The following SH3BP4 variants were observed in gnomAD, a reference collection of about 807,000 sequenced individuals.
SH3BP4 encodes the protein SH3 domain binding protein 4, also known as SH3 domain-binding protein 4.
Under a neutral mutation model 65.5 loss-of-function variants are expected in SH3BP4, and 33 were observed. That is an observed-to-expected ratio of 0.50 (90% CI 0.38 to 0.67). The LOEUF (loss-of-function observed/expected upper bound fraction) is 0.67. Ranked by LOEUF, SH3BP4 falls within the 30% of genes least tolerant of loss-of-function variation. The pLI, the probability that SH3BP4 is intolerant of heterozygous loss-of-function variation, is 0.00. For missense variants in SH3BP4, 1,134 were observed against 1,261.4 expected (o/e 0.90, Z 1.53); for synonymous variants, 552 against 545.5 (o/e 1.01, Z -0.17).
intron 1 of SH3BP4, among the ~76,000 whole-genome samples, chr2:234,971,494 T>C (rs1030911253): frequency 3.9e-5 from 6 of 152,266 alleles, no homozygotes; most frequent in African/African-American, 1.4e-4. Flanking sequence ...TCAGCTCTTT[T>C]GGGTATATTC....
chr2:235,039,390 C>T (rs529932448), intron 3 of SH3BP4, among the ~76,000 whole-genome samples: 4 of 151,738 alleles, frequency 2.6e-5, no homozygotes, highest in South Asian at 2.1e-4. Context: ...TGATAGAATA[C>T]GATGACTGTG....
rs199541481 is a variant in SH3BP4 at position 235,052,591 on chromosome 2, G to A, written c.2508G>A (p.Leu836=). The A allele has an allele frequency of 2.6e-6, 4 of 1,552,948 alleles. No individual in the cohort carries two copies. Among genetic ancestry groups the A allele is most frequent in the Admixed American group, 2.0e-5 (1 of 51,234 alleles). ...TACTGAAGATGGACTGCCAGGGCCT[G>A]GTGGTCAGACTCATCCAGGACTTTG... ...MALLKMDCQG[L]VVRLIQDFVL... is the part of the protein sequence containing the mutation. The change falls in exon 5 of 6, where the codon CTG becomes CTA. Residue 836 remains leucine (L), a synonymous_variant. Coordinates refer to ENST00000392011, the MANE Select transcript of SH3BP4 (RefSeq NM_014521.3). This position sits in a 1 kb window ranked among gnomAD's most constrained non-coding sequence, Gnocchi z 5.0.
At chr2:235,018,847 A>G (rs972399416) in intron 2 of SH3BP4, among the ~76,000 whole-genome samples, 20 of 152,336 alleles carry the variant, frequency 1.3e-4, no homozygotes, top group African/African-American at 4.3e-4. Flanking sequence ...GACAAGACCT[A>G]AAGACAAAGC....
At position 235,053,626 on chromosome 2, in the gene SH3BP4, C is replaced by G; in HGVS notation, c.2702C>G (p.Thr901Ser). The G allele has an allele frequency of 6.2e-7, 1 of 1,614,170 alleles. No individual in the cohort carries two copies. Among genetic ancestry groups the G allele is most frequent in the Non-Finnish European group, 8.5e-7 (1 of 1,180,024 alleles). ...MWKPAYDFLL[T>S]WSHQIGDSYR... Reference sequence around the variant, plus strand: ...AAGCCTGCGTATGACTTCTTACTCACCTGGAGCCATCAGATCGGGGACAGC... The same window carrying G: ...AAGCCTGCGTATGACTTCTTACTCAGCTGGAGCCATCAGATCGGGGACAGC... The change falls in exon 6 of 6, where the codon ACC becomes AGC. Residue 901 changes from threonine (T) to serine (S), a missense_variant. By Grantham distance (58) the Thr-to-Ser change is moderately conservative. Transcript: ENST00000392011.
At chr2:234,984,874 G>A (rs932009052) in intron 1 of SH3BP4, among the ~76,000 whole-genome samples, 21 of 152,142 alleles carry the variant, frequency 1.4e-4, no homozygotes, top group Admixed American at 6.6e-5. Context: ...GTGAGAAGAG[G>A]GAAGAGGAAA....
rs2106234917 is a variant in SH3BP4 at position 234,952,092 on chromosome 2, C to G, written c.-285C>G. Reference sequence around the variant, plus strand: ...GCCGCCGCCGTGAGTCCCGCGGAGCCGCGCGCGCCCCCGGCTGGGCCGAGC... The same window carrying G: ...GCCGCCGCCGTGAGTCCCGCGGAGCGGCGCGCGCCCCCGGCTGGGCCGAGC... On this transcript the variant is annotated 5_prime_UTR_variant, in exon 1 of 6. Transcript: ENST00000392011. This position sits in a 1 kb window ranked among gnomAD's most constrained non-coding sequence, Gnocchi z 6.5. The G allele has an allele frequency of 6.7e-6, 1 of 148,642 alleles. No individual in the cohort carries two copies. The highest frequency in any genetic ancestry group is 1.8e-4 in the South Asian group (1 of 5,610). 9.2% of individuals were successfully genotyped at this position (148,642 alleles called of 1,614,324 possible).
rs977516111 is a variant in SH3BP4 at position 235,046,832 on chromosome 2, G to A, written c.2478+3585G>A. Among the ~76,000 whole-genome samples, 7 of 152,170 alleles carry A rather than the reference G, an allele frequency of 4.6e-5. No homozygotes were observed. Among genetic ancestry groups the A allele is most frequent in the Admixed American group, 4.6e-4 (7 of 15,280 alleles). On this transcript the variant is annotated intron_variant, in intron 4 of 5. Coordinates refer to ENST00000392011, the MANE Select transcript of SH3BP4 (RefSeq NM_014521.3). This position sits in a 1 kb window ranked among gnomAD's most constrained non-coding sequence, Gnocchi z 4.2. Reference sequence around the variant, plus strand: ...AGGCATTCTCACGTGGCCATACCATGCTTCTGTTCTGTGGTTCCATTTCCT... The same window carrying A: ...AGGCATTCTCACGTGGCCATACCATACTTCTGTTCTGTGGTTCCATTTCCT...
In SH3BP4 at chr2:234,962,282, G is replaced by A. The variant is rs1559224038; in HGVS notation, c.-207+10112G>A. On this transcript the variant is annotated intron_variant, in intron 1 of 5. Coordinates refer to ENST00000392011, the MANE Select transcript of SH3BP4 (RefSeq NM_014521.3). ...CTCCCTAGTAGCTGGGATTAGAGGT[G>A]CATGCCACCACGCTCGGGTAATTTT... Among the ~76,000 whole-genome samples the A allele has an allele frequency of 2.6e-5, 4 of 151,568 alleles. No individual in the cohort carries two copies. In the South Asian group the frequency reaches 8.4e-4, roughly 32 times the overall value.
At chr2:234,986,091 C>T (rs1345749189) in intron 1 of SH3BP4, among the ~76,000 whole-genome samples, 2 of 149,300 alleles carry the variant, frequency 1.3e-5, no homozygotes, top group African/African-American at 5.1e-5. Flanking sequence ...TGAACCAGCC[C>T]TTGACACAAA....
chr2:234,969,906 C>CACACACTCAA (rs369376948), intron 1 of SH3BP4, among the ~76,000 whole-genome samples: 7,938 of 151,920 alleles, frequency 0.052, 607 homozygotes, highest in African/African-American at 0.17. Flanking sequence ...CACACACTTA[C>CACACACTCAA]ACACACTCTG....
intron 2 of SH3BP4, among the ~76,000 whole-genome samples, chr2:235,021,261 G>A (rs1364556577): frequency 7.9e-5 from 12 of 152,126 alleles, no homozygotes; most frequent in Admixed American, 7.9e-4. Context: ...ATCCCAGTGG[G>A]AATATGTTTT....
intron 2 of SH3BP4, among the ~76,000 whole-genome samples, chr2:235,003,265 C>T (rs1694187991): frequency 2.6e-5 from 4 of 152,232 alleles, no homozygotes; most frequent in Admixed American, 2.6e-4. Context: ...ACCAGCGTGA[C>T]CGAGGAGAAC....
chr2:235,032,467 G>A (rs1316418141), intron 2 of SH3BP4, among the ~76,000 whole-genome samples: 1 of 152,176 alleles, frequency 6.6e-6, no homozygotes, highest in Non-Finnish European at 1.5e-5. Context: ...GTATGGGAAG[G>A]ATTTTTACTC....
chr2:234,970,434 T>C (rs1310970944), intron 1 of SH3BP4, among the ~76,000 whole-genome samples: 1 of 152,208 alleles, frequency 6.6e-6, no homozygotes, highest in Admixed American at 6.5e-5. Flanking sequence ...GGTGACTCGA[T>C]AGGCCCAACT....
chr2:235,012,730 A>T (rs1389438304), intron 2 of SH3BP4, among the ~76,000 whole-genome samples: 1 of 152,010 alleles, frequency 6.6e-6, no homozygotes. Flanking sequence ...ATGCGTTTCC[A>T]TCTCGGAGTG....
intron 2 of SH3BP4, among the ~76,000 whole-genome samples, chr2:235,015,783 G>A (rs1306727826): frequency 6.6e-6 from 1 of 152,166 alleles, no homozygotes; most frequent in East Asian, 1.9e-4. Context: ...GTTATTTAAT[G>A]TGGTGCCCAG....
intron 1 of SH3BP4, among the ~76,000 whole-genome samples, chr2:234,962,701 G>T (rs1047091194): frequency 2.6e-5 from 4 of 151,692 alleles, no homozygotes; most frequent in African/African-American, 9.7e-5. Flanking sequence ...CTTTGTACCT[G>T]GCACATAGCA....
At chr2:235,002,837 G>T (rs2106285056) in intron 2 of SH3BP4, among the ~76,000 whole-genome samples, 1 of 152,356 alleles carries the variant, frequency 6.6e-6, no homozygotes, top group South Asian at 2.1e-4. Flanking sequence ...GATGGGCTGG[G>T]TTCAGATAAC....
rs542631866 is a variant in SH3BP4, at chr2:235,028,542, T to C, written c.-132-6329T>C. The stretch of plus-strand genomic sequence containing the variant: ...TACCGAGTTACCTCTGAAACAGTCA[T>C]CTTTGTTGAAACCGAATTCGTTCAT... On this transcript the variant is annotated intron_variant, in intron 2 of 5. Transcript: ENST00000392011. 1.1e-3 allele frequency among the ~76,000 whole-genome samples: 169 copies of C among 152,324 alleles called. 1 individual carries two copies. Among genetic ancestry groups the C allele is most frequent in the African/African-American group, 4.0e-3 (165 of 41,580 alleles).
Sources: gnomAD v4.1 joint callset for allele counts (sites outside exome capture counted in the v4.1 genomes callset) on GRCh38, gnomAD v4.1.1 for gene constraint, Gnocchi (gnomAD v3.1) non-coding constraint, MANE v1.5 for transcripts, NCBI Gene and HGNC (gene_info 2026-07-23, HGNC 2026-07-21) for gene names.